Variants in KHDRBS2 observed in about 807,000 individuals in gnomAD.
KHDRBS2 encodes KH domain-containing, RNA-binding, signal transduction-associated protein 2.
KHDRBS2 carries 26 observed loss-of-function variants against 44.3 expected under a neutral mutation model. That is an observed-to-expected ratio of 0.59 (90% CI 0.43 to 0.81). KHDRBS2 has a LOEUF of 0.81. KHDRBS2 is among the 40% of genes least tolerant of loss of function. The probability of loss-of-function intolerance (pLI) is 0.00; values close to 1 mark genes in which losing one functional copy is unlikely to be tolerated. For missense variants in KHDRBS2, 476 were observed against 433.1 expected (o/e 1.10, Z -0.88); for synonymous variants, 194 against 151.1 (o/e 1.28, Z -2.08).
chr6:61,653,441 T>C, the KHDRBS2 span, among the ~76,000 whole-genome samples: 1 of 152,052 alleles, frequency 6.6e-6, no homozygotes, highest in Non-Finnish European at 1.5e-5. Flanking sequence ...ATCCTAATAC[T>C]AAAATTTGTC....
chr6:61,781,691 A>G (rs1782955185), intron 6 of KHDRBS2, among the ~76,000 whole-genome samples: 1 of 152,116 alleles, frequency 6.6e-6, no homozygotes, highest in Admixed American at 6.6e-5. Flanking sequence ...TAGGATATCC[A>G]TCACCCAAAT....
chr6:61,554,992 G>T, the KHDRBS2 span, among the ~76,000 whole-genome samples: 22 of 152,140 alleles, frequency 1.4e-4, no homozygotes, highest in African/African-American at 5.1e-4. Flanking sequence ...TGTCCTGGAG[G>T]TGGTCTTCTT....
intron 6 of KHDRBS2, among the ~76,000 whole-genome samples, chr6:61,878,008 T>G (rs1186773263): frequency 3.3e-5 from 5 of 151,978 alleles, no homozygotes; most frequent in Admixed American, 6.6e-5. Context: ...ATTTTTAGAT[T>G]ATCTAAAATG....
intron 2 of KHDRBS2, among the ~76,000 whole-genome samples, chr6:62,063,954 A>G (rs1202595759): frequency 1.9e-4 from 28 of 147,916 alleles, no homozygotes; most frequent in Non-Finnish European, 3.7e-4. Context: ...AAATCAATGT[A>G]CAAAAATCAC....
chr6:62,058,881 T>G (rs573893636), intron 2 of KHDRBS2, among the ~76,000 whole-genome samples: 29 of 151,876 alleles, frequency 1.9e-4, no homozygotes, highest in Non-Finnish European at 3.5e-4. Context: ...TATCAATATA[T>G]TACCACAAAT....
At chr6:61,578,002 T>TAA in the KHDRBS2 span, among the ~76,000 whole-genome samples, 1 of 151,674 alleles carries the variant, frequency 6.6e-6, no homozygotes, top group African/African-American at 2.4e-5. Flanking sequence ...TCTCTCTTCA[T>TAA]TAATAAAACT....
chr6:61,543,955 G>A, the KHDRBS2 span, among the ~76,000 whole-genome samples: 5 of 152,044 alleles, frequency 3.3e-5, no homozygotes, highest in African/African-American at 9.6e-5. Context: ...CAGCTGGGAA[G>A]GGTAATGGGG....
rs534691816 is a variant in KHDRBS2, at chr6:61,931,114, A to G, written c.484-29743T>C. ...TATTTTTATATTCATCCTTATAATG[A>G]AAAAAATACTTATATTTTGTTAAAA... is the stretch of plus-strand genomic sequence containing the variant. On this transcript the variant is annotated intron_variant, in intron 4 of 8. Transcript: ENST00000281156. Among the ~76,000 whole-genome samples, 6 of 151,672 alleles carry G rather than the reference A, an allele frequency of 4.0e-5. No individual in the cohort carries two copies. The South Asian group carries it at 1.0e-3, about 26-fold the overall frequency.
At chr6:62,093,238 A>T (rs1196548491) in intron 2 of KHDRBS2, among the ~76,000 whole-genome samples, 2 of 151,640 alleles carry the variant, frequency 1.3e-5, no homozygotes, top group South Asian at 4.1e-4. Context: ...AAAAAAAAAA[A>T]TTAAAAGAAG....
At chr6:62,168,131 C>T (rs1819088531) in intron 2 of KHDRBS2, among the ~76,000 whole-genome samples, 1 of 152,138 alleles carries the variant, frequency 6.6e-6, no homozygotes, top group Non-Finnish European at 1.5e-5. Flanking sequence ...TTTGGAACTT[C>T]AGTTTTCTGC....
intron 3 of KHDRBS2, among the ~76,000 whole-genome samples, chr6:62,018,004 T>C (rs1441713987): frequency 6.6e-6 from 1 of 151,802 alleles, no homozygotes; most frequent in Non-Finnish European, 1.5e-5. Flanking sequence ...TAGAACTTAT[T>C]AGGATTTACA....
At chr6:61,566,926 C>T in the KHDRBS2 span, among the ~76,000 whole-genome samples, 1 of 152,090 alleles carries the variant, frequency 6.6e-6, no homozygotes, top group Non-Finnish European at 1.5e-5. Context: ...TTCTTTAAGA[C>T]TAATGCAATA....
At chr6:62,238,449 A>G (rs1834053586) in intron 1 of KHDRBS2, among the ~76,000 whole-genome samples, 1 of 152,128 alleles carries the variant, frequency 6.6e-6, no homozygotes, top group Non-Finnish European at 1.5e-5. Flanking sequence ...TAAACATGCT[A>G]TATTTAAAAG....
intron 6 of KHDRBS2, among the ~76,000 whole-genome samples, chr6:61,785,196 C>G (rs1049800634): frequency 6.6e-6 from 1 of 151,470 alleles, no homozygotes; most frequent in African/African-American, 2.4e-5. Flanking sequence ...AACAGACAAT[C>G]AAAGAAAACA....
At chr6:61,546,260 A>G in the KHDRBS2 span, among the ~76,000 whole-genome samples, 1 of 151,916 alleles carries the variant, frequency 6.6e-6, no homozygotes. Context: ...TCAAATATTA[A>G]GTATATTATA....
chr6:61,768,770 C>G (rs1408264790), intron 6 of KHDRBS2, among the ~76,000 whole-genome samples: 3 of 151,988 alleles, frequency 2.0e-5, no homozygotes, highest in African/African-American at 7.3e-5. Flanking sequence ...TTTCACTGCC[C>G]TTGATTTGAT....
intron 4 of KHDRBS2, among the ~76,000 whole-genome samples, chr6:61,920,145 T>C (rs1583512939): frequency 6.6e-6 from 1 of 151,952 alleles, no homozygotes; most frequent in East Asian, 1.9e-4. Flanking sequence ...TTTAAAACTG[T>C]GAGCTGAAAT....
intron 4 of KHDRBS2, among the ~76,000 whole-genome samples, chr6:61,951,762 C>T (rs1764799008): frequency 6.6e-6 from 1 of 152,018 alleles, no homozygotes; most frequent in Admixed American, 6.6e-5. Flanking sequence ...CATTTATGGC[C>T]ATGGTTAAGG....
chr6:61,828,020 T>C (rs1451253166), intron 6 of KHDRBS2, among the ~76,000 whole-genome samples: 1 of 152,178 alleles, frequency 6.6e-6, no homozygotes, highest in Non-Finnish European at 1.5e-5. Flanking sequence ...GAGGTAACCC[T>C]GTGGACCTCA....
Sources: allele counts gnomAD v4.1 joint callset (sites outside exome capture counted in the v4.1 genomes callset), GRCh38; gene constraint gnomAD v4.1.1; transcripts MANE v1.5; gene names NCBI Gene and HGNC (gene_info 2026-07-23, HGNC 2026-07-21).